Variants in GABRA2 observed in about 807,000 individuals in gnomAD.
The protein encoded by GABRA2 is gamma-aminobutyric acid receptor subunit alpha-2.
A neutral mutation model predicts 48.7 loss-of-function variants in GABRA2; 16 were observed. That is an observed-to-expected ratio of 0.33 (90% CI 0.22 to 0.50). The LOEUF (loss-of-function observed/expected upper bound fraction) is 0.50. Among genes scored for constraint, GABRA2 ranks in the 20% least tolerant of loss-of-function variants. The pLI is 0.98. For synonymous variants in GABRA2, 185 were observed against 184.5 expected (o/e 1.00, Z -0.02); for missense variants, 275 against 535.6 (o/e 0.51, Z 4.80).
chr4:46,258,618 C>G (rs1389894875), intron 9 of GABRA2, among the ~76,000 whole-genome samples: 1 of 151,782 alleles, frequency 6.6e-6, no homozygotes, highest in Non-Finnish European at 1.5e-5. Context: ...TGGGTCCACT[C>G]TGAACTCTGG....
chr4:46,281,150 G>C (rs981873428), intron 8 of GABRA2, among the ~76,000 whole-genome samples: 16 of 152,196 alleles, frequency 1.1e-4, no homozygotes, highest in African/African-American at 3.6e-4. Flanking sequence ...GCTACAAGTA[G>C]AGCAGATTTT....
chr4:46,301,698 C>A (rs1021366678), intron 8 of GABRA2, among the ~76,000 whole-genome samples: 14 of 152,172 alleles, frequency 9.2e-5, no homozygotes, highest in African/African-American at 3.1e-4. Context: ...TAGGAAGGAT[C>A]CATGCTGTTG....
rs397993238 is a variant in GABRA2 at position 46,270,994 on chromosome 4, T to TAA, written c.857-8868_857-8867dup. Among the ~76,000 whole-genome samples the TAA allele has an allele frequency of 4.9e-3, 716 of 144,786 alleles. 5 individuals carry two copies. The highest frequency in any genetic ancestry group is 0.031 in the Middle Eastern group (9 of 286). The allele number at this position is 144,786 out of a possible 152,430, so 95.0% of individuals were successfully genotyped here. A position where few individuals can be genotyped will look rare whatever the true frequency, so the allele number is the denominator to read the frequency against. On this transcript the variant is annotated intron_variant, in intron 8 of 9. Transcript: ENST00000381620. ...CATGTAAAGCTGTGCCCCTACTATA[T>TAA]AAAAAAAAAAAAATACTTCAATGCA...
rs182786755 is a variant in GABRA2 at position 46,322,324 on chromosome 4, G to A, written c.256-9608C>T. On this transcript the variant is annotated intron_variant, in intron 4 of 9. Coordinates refer to ENST00000381620, the MANE Select transcript of GABRA2 (RefSeq NM_000807.4). ...GAGTTTGAAATAATAAAATCTTGCT[G>A]ATTTCAGTCACCTGAATCTCTAAAG... Among the ~76,000 whole-genome samples the A allele has an allele frequency of 1.7e-4, 26 of 152,004 alleles. No homozygotes were observed. The East Asian group carries it at 4.5e-3, about 26-fold the overall frequency.
At chr4:46,386,228 G>T in intron 2 of GABRA2, 39 bp from the exon 3 acceptor site, 1 of 1,256,278 alleles carries the variant, frequency 8.0e-7, no homozygotes, top group Non-Finnish European at 1.1e-6. Flanking sequence ...ATATACATAT[G>T]TGTGTTTTGC....
At chr4:46,262,935 G>GAAGA (rs112511990) in intron 8 of GABRA2, among the ~76,000 whole-genome samples, 43 of 140,258 alleles carry the variant, frequency 3.1e-4, no homozygotes, top group Non-Finnish European at 4.6e-4. Context: ...GAGAAAGAAA[G>GAAGA]AAGAAAGAAA....
chr4:46,317,867 C>T (rs573953026), intron 4 of GABRA2, among the ~76,000 whole-genome samples: 3 of 151,768 alleles, frequency 2.0e-5, no homozygotes, highest in South Asian at 4.1e-4. Flanking sequence ...TAAGTTTCAT[C>T]TTAAACACAT....
chr4:46,362,987 C>A (rs1035774412), intron 3 of GABRA2, among the ~76,000 whole-genome samples: 4 of 152,132 alleles, frequency 2.6e-5, no homozygotes, highest in African/African-American at 7.2e-5. Flanking sequence ...TAATTCAAAT[C>A]TTTCCTATTT....
intron 8 of GABRA2, among the ~76,000 whole-genome samples, chr4:46,284,169 A>G (rs1285675213): frequency 6.6e-6 from 1 of 152,158 alleles, no homozygotes; most frequent in African/African-American, 2.4e-5. Flanking sequence ...CCAAAACTTA[A>G]TAAGTGATTT....
In GABRA2 at chr4:46,332,673, G is replaced by A; in HGVS notation, c.197C>T (p.Thr66Ile). The part of the protein sequence containing the change: ...RLRPGLGDSI[T>I]EVFTNIYVTS... Reference sequence around the variant, plus strand: ...CACGTAGATGTTAGTGAAGACTTCAGTAATACTGTCTAATATGAGAAAAGA... The same window carrying A: ...CACGTAGATGTTAGTGAAGACTTCAATAATACTGTCTAATATGAGAAAAGA... The change falls in exon 4 of 10, where the codon ACT becomes ATT. Residue 66 changes from threonine (T) to isoleucine (I), a missense_variant. This residue lies in a region of GABRA2 where 113 missense variants were observed against 257.1 expected (regional missense o/e 0.44). Transcript: ENST00000381620. 1 of 1,567,078 alleles carries A rather than the reference G, an allele frequency of 6.4e-7. No homozygotes were observed. The highest frequency in any genetic ancestry group is 8.8e-7 in the Non-Finnish European group (1 of 1,137,618).
At chr4:46,345,928 T>A (rs1734071686) in intron 3 of GABRA2, among the ~76,000 whole-genome samples, 1 of 151,996 alleles carries the variant, frequency 6.6e-6, no homozygotes, top group Non-Finnish European at 1.5e-5. Flanking sequence ...AAGACATGAA[T>A]GTACAATGCT....
chr4:46,248,130 T>G lies in GABRA2; in HGVS notation c.*2178A>C, dbSNP rs494751. Among the ~76,000 whole-genome samples, 95,051 of 150,908 alleles carry G rather than the reference T, an allele frequency of 0.63. 30,626 individuals are homozygous for G. The highest frequency in any genetic ancestry group is 0.78 in the South Asian group (3,735 of 4,800). On this transcript the variant is annotated 3_prime_UTR_variant, in exon 10 of 10. Coordinates refer to ENST00000381620, the MANE Select transcript of GABRA2 (RefSeq NM_000807.4). ...TCATACAGAAACTGTTATTTACAAC[T>G]GTTTTTACATATACACATATTTATA...
At chr4:46,365,585 C>T (rs1326746113) in intron 3 of GABRA2, 1 of 152,070 alleles carries the variant, frequency 6.6e-6, no homozygotes, top group African/African-American at 2.4e-5. Flanking sequence ...GGTACTTTTA[C>T]AGGAACATTA....
intron 4 of GABRA2, among the ~76,000 whole-genome samples, chr4:46,324,483 G>GA (rs1553914892): frequency 1.3e-5 from 2 of 151,336 alleles, no homozygotes; most frequent in Non-Finnish European, 3.0e-5. Context: ...TGAAACCTAG[G>GA]AAAAAAACAT....
intron 3 of GABRA2, chr4:46,365,550 A>G (rs1713908750): frequency 6.6e-6 from 1 of 152,144 alleles, no homozygotes; most frequent in South Asian, 2.1e-4. Context: ...GAAGTTGGCC[A>G]CTAATGAACA....
In GABRA2 at chr4:46,369,693, C is replaced by T. The variant is rs146419975; in HGVS notation, c.187+16381G>A. On this transcript the variant is annotated intron_variant, in intron 3 of 9. Coordinates refer to ENST00000381620, the MANE Select transcript of GABRA2 (RefSeq NM_000807.4). ...ACTGTTATATCCTAAAAATATTACA[C>T]ATAGTATTGGGGATAAATTAACAGG... Among the ~76,000 whole-genome samples the T allele has an allele frequency of 4.4e-3, 666 of 152,134 alleles. 4 individuals carry two copies. The highest frequency in any genetic ancestry group is 0.011 in the South Asian group (53 of 4,820).
intron 3 of GABRA2, among the ~76,000 whole-genome samples, chr4:46,344,669 G>A (rs1209194181): frequency 1.3e-5 from 2 of 151,702 alleles, no homozygotes; most frequent in Non-Finnish European, 2.9e-5. Context: ...CACACAGCCA[G>A]GACATTAACT....
At chr4:46,386,035 T>C (rs1331155642) in intron 3 of GABRA2, 39 bp downstream of exon 3, 1 of 1,251,154 alleles carries the variant, frequency 8.0e-7, no homozygotes, top group African/African-American at 1.5e-5. Flanking sequence ...TTAAAGGCAT[T>C]ATTTTACGAG....
chr4:46,266,288 C>T (rs1718205502), intron 8 of GABRA2, among the ~76,000 whole-genome samples: 1 of 144,270 alleles, frequency 6.9e-6, no homozygotes, highest in South Asian at 2.2e-4. Flanking sequence ...AGATAGTAAA[C>T]AAATTATTAT....
Sources: gnomAD v4.1 joint callset for allele counts (sites outside exome capture counted in the v4.1 genomes callset) on GRCh38, gnomAD v4.1.1 for gene constraint, gnomAD v4.1.1 regional missense constraint, MANE v1.5 for transcripts, NCBI Gene and HGNC (gene_info 2026-07-23, HGNC 2026-07-21) for gene names.